CDH4: variants seen among roughly 807,000 people sequenced by gnomAD.
The protein encoded by CDH4 is cadherin 4.
A neutral mutation model predicts 86.0 loss-of-function variants in CDH4; 33 were observed. That is an observed-to-expected ratio of 0.38 (90% CI 0.29 to 0.51). The LOEUF is 0.51. Ranked by LOEUF, CDH4 falls within the 20% of genes least tolerant of loss-of-function variation. The probability of loss-of-function intolerance (pLI) is 0.86; values close to 1 mark genes in which losing one functional copy is unlikely to be tolerated. For synonymous variants in CDH4, 555 were observed against 549.4 expected (o/e 1.01, Z -0.14); for missense variants, 1,114 against 1,307.4 (o/e 0.85, Z 2.28).
intron 2 of CDH4, among the ~76,000 whole-genome samples, chr20:61,286,011 A>G (rs572513627): frequency 7.2e-5 from 11 of 152,082 alleles, no homozygotes; most frequent in African/African-American, 2.2e-4. Flanking sequence ...CCCCCTTCCT[A>G]TGAATGTGCC....
In CDH4 at chr20:61,870,375, G is replaced by A. The variant is rs191917303; in HGVS notation, c.878-3353G>A. ...GCAGGGTGAGGAAGAGGCCAAGGCC[G>A]TCAGAAGGGCTCCGCATCCCCATCC... On this transcript the variant is annotated intron_variant, in intron 6 of 15. Transcript: ENST00000614565. 5.6e-3 allele frequency among the ~76,000 whole-genome samples: 854 copies of A among 152,334 alleles called. 4 individuals carry two copies. Among genetic ancestry groups the A allele is most frequent in the Non-Finnish European group, 8.9e-3 (606 of 68,030 alleles).
chr20:61,483,155 T>C (rs903252943), intron 2 of CDH4, among the ~76,000 whole-genome samples: 2 of 152,120 alleles, frequency 1.3e-5, no homozygotes, highest in Admixed American at 6.5e-5. Context: ...ATAGGAACAC[T>C]AGTGGTAGTG....
chr20:61,841,275 G>T (rs565258875), intron 4 of CDH4, among the ~76,000 whole-genome samples: 4 of 152,212 alleles, frequency 2.6e-5, no homozygotes, highest in South Asian at 2.1e-4. Context: ...GCTCCCGGAC[G>T]GCGGGGCTGG....
intron 2 of CDH4, among the ~76,000 whole-genome samples, chr20:61,525,288 T>A (rs570659504): frequency 6.6e-6 from 1 of 152,222 alleles, no homozygotes; most frequent in African/African-American, 2.4e-5. Context: ...CCTGGGAGAT[T>A]TAGAGAAGCC....
In CDH4 at chr20:61,355,749, G is replaced by A. The variant is rs540004822; in HGVS notation, c.169+100812G>A. On this transcript the variant is annotated intron_variant, in intron 2 of 15. Transcript: ENST00000614565. ...GCACCTGTCTGCCGCCTGTCTGTGC[G>A]TGGATCTCTGTCTCTGCTCATACAT... is the stretch of plus-strand genomic sequence containing the variant. Among the ~76,000 whole-genome samples, 5 of 152,350 alleles carry A rather than the reference G, an allele frequency of 3.3e-5. No individual in the cohort carries two copies. The South Asian group carries it at 6.2e-4, about 19-fold the overall frequency.
chr20:61,331,656 C>T (rs1224542422), intron 2 of CDH4, among the ~76,000 whole-genome samples: 6 of 151,152 alleles, frequency 4.0e-5, no homozygotes, highest in African/African-American at 7.3e-5. Flanking sequence ...CCGCCCCAGC[C>T]ACCTGCCCCA....
intron 2 of CDH4, among the ~76,000 whole-genome samples, chr20:61,324,102 T>C (rs138907928): frequency 1.3e-5 from 2 of 151,960 alleles, no homozygotes; most frequent in East Asian, 3.9e-4. Context: ...GGTGTGGGAG[T>C]GTGTGCGATA....
intron 2 of CDH4, among the ~76,000 whole-genome samples, chr20:61,530,749 G>A (rs1427586926): frequency 6.6e-6 from 1 of 152,070 alleles, no homozygotes; most frequent in East Asian, 1.9e-4. Flanking sequence ...GTGAGGGCTG[G>A]GGAGCAGGTG....
intron 2 of CDH4, among the ~76,000 whole-genome samples, chr20:61,303,639 G>A (rs888941843): frequency 2.0e-5 from 3 of 152,202 alleles, no homozygotes; most frequent in African/African-American, 7.2e-5. Context: ...CTCTCCTGAA[G>A]TCCTCTTCTC....
intron 2 of CDH4, among the ~76,000 whole-genome samples, chr20:61,431,548 C>T (rs921909022): frequency 6.6e-5 from 10 of 151,942 alleles, no homozygotes; most frequent in African/African-American, 2.4e-4. Flanking sequence ...TTTGTAGAGA[C>T]AGGGTTTCAC....
intron 9 of CDH4, among the ~76,000 whole-genome samples, chr20:61,915,794 C>T (rs2054897967): frequency 6.6e-6 from 1 of 152,176 alleles, no homozygotes; most frequent in Admixed American, 6.5e-5. Flanking sequence ...AGACGGGACT[C>T]TCCTGCACCT....
intron 2 of CDH4, among the ~76,000 whole-genome samples, chr20:61,373,799 G>A (rs767742798): frequency 2.6e-5 from 4 of 152,178 alleles, no homozygotes; most frequent in Non-Finnish European, 4.4e-5. Context: ...TGAACACATC[G>A]AGGGCAACAT....
intron 12 of CDH4, 82 bp downstream of exon 12, chr20:61,928,505 TGG>T (rs2055071620): frequency 1.6e-6 from 2 of 1,216,402 alleles, no homozygotes; most frequent in East Asian, 4.8e-5. Flanking sequence ...CTTGGAAGAG[TGG>T]GCACCAGAGG....
At chr20:61,495,435 A>T (rs2085654119) in intron 2 of CDH4, among the ~76,000 whole-genome samples, 1 of 152,142 alleles carries the variant, frequency 6.6e-6, no homozygotes, top group Non-Finnish European at 1.5e-5. Flanking sequence ...AGGTCGCCCA[A>T]GGCTTCCTTG....
intron 2 of CDH4, among the ~76,000 whole-genome samples, chr20:61,608,829 T>C (rs1345994798): frequency 1.3e-5 from 2 of 152,070 alleles, no homozygotes; most frequent in African/African-American, 4.8e-5. Flanking sequence ...CGCGGGGTGG[T>C]GAGCACGACC....
rs1203607916 is a variant in CDH4 at position 61,294,748 on chromosome 20, C to T, written c.169+39811C>T. 2.4e-4 allele frequency among the ~76,000 whole-genome samples: 36 copies of T among 152,240 alleles called. 1 individual carries two copies. Among genetic ancestry groups the T allele is most frequent in the Admixed American group, 2.4e-3 (36 of 15,286 alleles). On this transcript the variant is annotated intron_variant, in intron 2 of 15. Transcript: ENST00000614565. ...GGGCCGCCCTGGGGAAAGCTGAGCC[C>T]CTGACAACAGAGCTGAAAGCTGGGA...
intron 2 of CDH4, among the ~76,000 whole-genome samples, chr20:61,551,161 G>C (rs995556468): frequency 5.3e-5 from 8 of 152,214 alleles, no homozygotes; most frequent in African/African-American, 1.9e-4. Flanking sequence ...CACATGGCAT[G>C]TCATGGGCAC....
chr20:61,822,158 C>G (rs1981076732), intron 4 of CDH4, among the ~76,000 whole-genome samples: 1 of 152,238 alleles, frequency 6.6e-6, no homozygotes, highest in Admixed American at 6.5e-5. Flanking sequence ...TTTCTAAGGC[C>G]TGTGCTCTAA....
chr20:61,326,238 A>G (rs1481166247), intron 2 of CDH4, among the ~76,000 whole-genome samples: 1 of 152,212 alleles, frequency 6.6e-6, no homozygotes, highest in Non-Finnish European at 1.5e-5. Flanking sequence ...GCTTAGCCCA[A>G]AGTTTAGCTC....
Sources: gnomAD v4.1 joint callset for allele counts (sites outside exome capture counted in the v4.1 genomes callset) on GRCh38, gnomAD v4.1.1 for gene constraint, MANE v1.5 for transcripts, NCBI Gene and HGNC (gene_info 2026-07-23, HGNC 2026-07-21) for gene names.